LRRC3B: variants seen among roughly 807,000 people sequenced by gnomAD.
LRRC3B encodes the protein leucine rich repeat containing 3B.
In LRRC3B, 2 loss-of-function variants were observed where a neutral mutation model predicts 12.8. That is an observed-to-expected ratio of 0.16 (90% CI 0.06 to 0.49). The LOEUF (loss-of-function observed/expected upper bound fraction) is 0.49. LRRC3B is among the 20% of genes least tolerant of loss of function. The probability of loss-of-function intolerance (pLI) is 0.96; values close to 1 mark genes in which losing one functional copy is unlikely to be tolerated. For missense variants in LRRC3B, 189 were observed against 319.4 expected (o/e 0.59, Z 3.11); for synonymous variants, 132 against 122.0 (o/e 1.08, Z -0.54).
chr3:26,625,808 T>A (rs1698612044), intron 1 of LRRC3B, among the ~76,000 whole-genome samples: 1 of 152,226 alleles, frequency 6.6e-6, no homozygotes, highest in Non-Finnish European at 1.5e-5. Context: ...ATCTTTGATG[T>A]TGTGTGTGTT....
chr3:26,676,161 C>T (rs55900102), intron 1 of LRRC3B, among the ~76,000 whole-genome samples: 50,719 of 150,548 alleles, frequency 0.34, 9,384 homozygotes, highest in Middle Eastern at 0.46. Context: ...TATACATGTG[C>T]CATGTTGGTG....
intron 1 of LRRC3B, among the ~76,000 whole-genome samples, chr3:26,665,757 T>C (rs1699585168): frequency 2.0e-5 from 3 of 152,190 alleles, no homozygotes; most frequent in Admixed American, 6.5e-5. Context: ...GTATACTTTT[T>C]TAAGCTAAAA....
intron 1 of LRRC3B, among the ~76,000 whole-genome samples, chr3:26,687,418 C>G (rs377606504): frequency 6.6e-6 from 1 of 152,144 alleles, no homozygotes; most frequent in Non-Finnish European, 1.5e-5. Flanking sequence ...ATTCCTTTCT[C>G]TCTAGTTCTG....
chr3:26,660,010 A>C (rs2125422099), intron 1 of LRRC3B, among the ~76,000 whole-genome samples: 1 of 152,278 alleles, frequency 6.6e-6, no homozygotes, highest in South Asian at 2.1e-4. Context: ...ATTCTGCAAA[A>C]ACCCTCACTT....
chr3:26,648,515 T>C (rs990767989), intron 1 of LRRC3B, among the ~76,000 whole-genome samples: 1 of 152,144 alleles, frequency 6.6e-6, no homozygotes, highest in African/African-American at 2.4e-5. Flanking sequence ...GTAGAAATCA[T>C]TGTACTTGGG....
intron 1 of LRRC3B, among the ~76,000 whole-genome samples, chr3:26,632,605 T>G (rs1698781898): frequency 6.6e-6 from 1 of 152,056 alleles, no homozygotes; most frequent in Non-Finnish European, 1.5e-5. Context: ...CAGAAAGGAT[T>G]TGTAGAACTA....
chr3:26,703,178 C>G lies in LRRC3B; in HGVS notation c.-160-6335C>G, dbSNP rs376994862. ...TAGTCACAAATACACAGGAATTAGA[C>G]ATATTGATGGTTTATGCAACCCACA... On this transcript the variant is annotated intron_variant, in intron 1 of 1. Coordinates refer to ENST00000396641, the Ensembl canonical transcript of LRRC3B. Among the ~76,000 whole-genome samples, 9 of 152,244 alleles carry G rather than the reference C, an allele frequency of 5.9e-5. No individual in the cohort carries two copies. The East Asian group carries it at 1.5e-3, about 26-fold the overall frequency.
intron 1 of LRRC3B, among the ~76,000 whole-genome samples, chr3:26,629,512 C>G (rs1009953304): frequency 6.6e-6 from 1 of 152,232 alleles, no homozygotes; most frequent in African/African-American, 2.4e-5. Flanking sequence ...AGGGCTCCCC[C>G]TGTTAGCGGT....
chr3:26,691,105 GTATA>G lies in LRRC3B; in HGVS notation c.-160-18382_-160-18379del, dbSNP rs1553605090. On this transcript the variant is annotated intron_variant, in intron 1 of 1. Coordinates refer to ENST00000396641, the Ensembl canonical transcript of LRRC3B. ...TGTGTGTGTATATGTGTGTGTGTGT[GTATA>G]TATATATATATATATATATATATAT... Among the ~76,000 whole-genome samples the G allele has an allele frequency of 5.7e-3, 486 of 84,832 alleles. 5 individuals are homozygous for G. Among genetic ancestry groups the G allele is most frequent in the African/African-American group, 0.018 (389 of 21,868 alleles). The allele number at this position is 84,832 out of a possible 152,430, so 55.7% of individuals were successfully genotyped here.
intron 1 of LRRC3B, among the ~76,000 whole-genome samples, chr3:26,708,191 G>A (rs1392572158): frequency 6.6e-6 from 1 of 152,156 alleles, no homozygotes; most frequent in Non-Finnish European, 1.5e-5. Context: ...GCTGTAAGAG[G>A]ACTGAATGCT....
At chr3:26,690,714 T>A (rs1025270717) in intron 1 of LRRC3B, among the ~76,000 whole-genome samples, 7 of 152,056 alleles carry the variant, frequency 4.6e-5, no homozygotes, top group Admixed American at 4.6e-4. Context: ...GTAAGGAAGA[T>A]TTCTCTTGGT....
At chr3:26,664,105 G>GCC (rs925885278) in intron 1 of LRRC3B, among the ~76,000 whole-genome samples, 2 of 151,956 alleles carry the variant, frequency 1.3e-5, no homozygotes, top group Non-Finnish European at 2.9e-5. Context: ...TTTATCATCT[G>GCC]CCCCTCTCCA....
At chr3:26,652,169 A>G (rs1404179724) in intron 1 of LRRC3B, among the ~76,000 whole-genome samples, 1 of 152,192 alleles carries the variant, frequency 6.6e-6, no homozygotes, top group South Asian at 2.1e-4. Flanking sequence ...GGGTTTTTCA[A>G]CCAGCTAAGG....
intron 1 of LRRC3B, among the ~76,000 whole-genome samples, chr3:26,671,369 T>TAGAGAGAGAGAGAGAG (rs773929815): frequency 1.6e-3 from 62 of 38,182 alleles, no homozygotes; most frequent in Admixed American, 5.0e-3. Flanking sequence ...TATATATATA[T>TAGAGAGAGAGAGAGAG]ATATAGAGAG....
chr3:26,677,625 G>A (rs1055176799), intron 1 of LRRC3B, among the ~76,000 whole-genome samples: 10 of 152,184 alleles, frequency 6.6e-5, no homozygotes, highest in African/African-American at 2.4e-4. Flanking sequence ...AATATTTAGA[G>A]CATGTTAGGA....
intron 1 of LRRC3B, among the ~76,000 whole-genome samples, chr3:26,637,885 A>G (rs1698937550): frequency 6.6e-6 from 1 of 152,232 alleles, no homozygotes; most frequent in African/African-American, 2.4e-5. Context: ...ACACATTTCA[A>G]CATTTTGTTT....
intron 1 of LRRC3B, among the ~76,000 whole-genome samples, chr3:26,651,548 C>T (rs928620643): frequency 1.4e-4 from 22 of 152,140 alleles, no homozygotes; most frequent in African/African-American, 5.1e-4. Context: ...GTGTTCTAGA[C>T]ACCAATGAGA....
At chr3:26,687,738 C>T (rs913424168) in intron 1 of LRRC3B, among the ~76,000 whole-genome samples, 2 of 152,222 alleles carry the variant, frequency 1.3e-5, no homozygotes, top group African/African-American at 4.8e-5. Flanking sequence ...TGAATTTCAA[C>T]TTCCTTCATT....
chr3:26,697,669 T>TC (rs999749142), intron 1 of LRRC3B, among the ~76,000 whole-genome samples: 6 of 152,024 alleles, frequency 3.9e-5, no homozygotes, highest in Admixed American at 3.3e-4. Context: ...TATTCAAACA[T>TC]CCCCCAAAAT....
Sources: allele counts gnomAD v4.1 joint callset (sites outside exome capture counted in the v4.1 genomes callset), GRCh38; gene constraint gnomAD v4.1.1; transcripts MANE v1.5; gene names NCBI Gene and HGNC (gene_info 2026-07-23, HGNC 2026-07-21).